Variants in TRMT2A observed in about 807,000 individuals in gnomAD.
TRMT2A encodes tRNA (uracil-5-)-methyltransferase homolog A.
Under a neutral mutation model 59.3 loss-of-function variants are expected in TRMT2A, and 60 were observed. The ratio of observed to expected loss-of-function variants is 1.01; its 90% CI spans 0.82 to 1.26. The LOEUF (loss-of-function observed/expected upper bound fraction) is 1.26. Among genes scored for constraint, TRMT2A ranks in the 50% most tolerant of loss-of-function variants. The pLI, the probability that TRMT2A is intolerant of heterozygous loss-of-function variation, is 0.00. For synonymous variants in TRMT2A, 403 were observed against 353.7 expected (o/e 1.14, Z -1.56); for missense variants, 863 against 845.2 (o/e 1.02, Z -0.26).
chr22:20,116,834 C>CA, intron 1 of TRMT2A, 49 bp downstream of exon 1: 9 of 1,534,916 alleles, frequency 5.9e-6, no homozygotes, highest in Non-Finnish European at 7.1e-6. Flanking sequence ...CCCACCCCGC[C>CA]TCCTCCCACC....
In TRMT2A at chr22:20,112,681, TCAAA is replaced by T; in HGVS notation, c.1756_1759del (p.Phe586ArgfsTer50). 6.2e-7 allele frequency: 1 copy of T among 1,614,056 alleles called. No homozygotes were observed. ...TGTGCCATTGGGGTGCTCCACCCTC[TCAAA>T]CAGGATGAGCATCTCACAGTGCGGG... On this transcript the variant is annotated frameshift_variant, in exon 12 of 12. Coordinates refer to ENST00000252136, the MANE Select transcript of TRMT2A (RefSeq NM_022727.6). LOFTEE classifies it low-confidence loss of function (END_TRUNC).
chr22:20,115,719 T>G lies in TRMT2A; in HGVS notation c.661A>C (p.Asn221His). The G allele has an allele frequency of 6.2e-7, 1 of 1,612,994 alleles. No individual in the cohort carries two copies. Residue 221 changes from asparagine (N) to histidine (H), a missense_variant, in exon 3 of 12, where the codon AAC becomes CAC. Asn to His is a moderately conservative substitution (Grantham distance 68, BLOSUM62 1). Coordinates refer to ENST00000252136, the MANE Select transcript of TRMT2A (RefSeq NM_022727.6). The stretch of plus-strand genomic sequence containing the variant: ...CCCTCCAGCGGGCAGCAGGCCTTGT[T>G]GTGCTTGTGCCTCTGCTCGAGCAGC... ...PWLLEQRHKH[N>H]KACCPLEGVR...
In TRMT2A at chr22:20,113,705, A is replaced by C. The variant is rs200558571; in HGVS notation, c.1337T>G (p.Ile446Ser). 1 of 1,602,198 alleles carries C rather than the reference A, an allele frequency of 6.2e-7. No individual in the cohort carries two copies. Among genetic ancestry groups the C allele is most frequent in the East Asian group, 2.2e-5 (1 of 44,604 alleles). The change falls in exon 8 of 12, where the codon ATT (isoleucine) becomes AGT (serine). Residue 446 changes from isoleucine to serine, a missense_variant. By Grantham distance (142) the Ile-to-Ser change is moderately radical (BLOSUM62 -2). Transcript: ENST00000252136. ...VLDVCCGTGT[I>S]GLALARKVKR... ...GCTCACCCGGGCCAGGGCCAGGCCAATGGTGCCGGTGCCACAGCACACGTC... is the reference window on the plus strand; with the variant it reads ...GCTCACCCGGGCCAGGGCCAGGCCACTGGTGCCGGTGCCACAGCACACGTC...
At chr22:20,115,919 A>T in intron 2 of TRMT2A, 119 bp downstream of exon 2, 1 of 1,398,044 alleles carries the variant, frequency 7.2e-7, no homozygotes, top group Non-Finnish European at 9.7e-7. Context: ...CTTGCTGGCT[A>T]GCTCCCAAAG....
intron 1 of TRMT2A, 91 bp from the exon 2 acceptor site, chr22:20,116,703 C>T (rs1329099746): frequency 4.8e-6 from 7 of 1,461,970 alleles, no homozygotes; most frequent in South Asian, 1.4e-5. Context: ...AGACCTCCGT[C>T]GGTGCACTCT....
Position 20,113,671 on chromosome 22 carries a change from G to A in TRMT2A, c.1356+15C>T, listed in dbSNP as rs1291580945. On this transcript the variant is annotated intron_variant, in intron 8 of 11. Transcript: ENST00000252136. ...GGTGGGGAGAGGGTGCCCTCAGCAG[G>A]GCAGGAGGGCTCACCCGGGCCAGGG... 3 of 1,592,990 alleles carry A rather than the reference G, an allele frequency of 1.9e-6. No homozygotes were observed. The highest frequency in any genetic ancestry group is 1.8e-4 in the Middle Eastern group (1 of 5,656).
chr22:20,112,525 G>A lies in TRMT2A; in HGVS notation c.*38C>T, dbSNP rs1257096614. On this transcript the variant is annotated 3_prime_UTR_variant, in exon 12 of 12. Coordinates refer to ENST00000252136, the MANE Select transcript of TRMT2A (RefSeq NM_022727.6). Reference sequence around the variant, plus strand: ...GCCTTCCCCGCCCCTGGGGCCCTGGGAGCCCTTCAGCTCCTGTCCCCATAA... The same window carrying A: ...GCCTTCCCCGCCCCTGGGGCCCTGGAAGCCCTTCAGCTCCTGTCCCCATAA... 6.3e-7 allele frequency: 1 copy of A among 1,592,772 alleles called. No individual in the cohort carries two copies. Among genetic ancestry groups the A allele is most frequent in the Non-Finnish European group, 8.6e-7 (1 of 1,167,178 alleles).
Position 20,116,612 on chromosome 22 carries a change from C to A in TRMT2A, c.25G>T (p.Gly9Cys). Residue 9 changes from glycine (G) to cysteine (C), a missense_variant and splice_region_variant, in exon 2 of 12, where the codon GGC (glycine) becomes TGC (cysteine). By Grantham distance (159) the Gly-to-Cys change is radical (BLOSUM62 -3). Coordinates refer to ENST00000252136, the MANE Select transcript of TRMT2A (RefSeq NM_022727.6). The stretch of plus-strand genomic sequence containing the variant: ...CCACAGCTCTCCATGGGCTTCGGGC[C>A]CTGTGTGGGGACAGATGGGGTGCTA... MSENLDNE[G>C]PKPMESCGQE... 6.5e-7 allele frequency: 1 copy of A among 1,535,132 alleles called. No individual in the cohort carries two copies.
rs369527590 is a variant in TRMT2A, at chr22:20,115,070, T to C, written c.900A>G (p.Pro300=). Reference sequence around the variant, plus strand: ...ACGTCTCTGGGTCGTATGCCGAGTATGGAGTGGACCTGTGGGAATCACGAG... The same window carrying C: ...ACGTCTCTGGGTCGTATGCCGAGTACGGAGTGGACCTGTGGGAATCACGAG... ...KAFQEFIRST[P]YSAYDPETYT... Residue 300 remains proline (P), a synonymous_variant, in exon 5 of 12, where the codon CCA becomes CCG. Transcript: ENST00000252136. 49 of 1,592,028 alleles carry C rather than the reference T, an allele frequency of 3.1e-5. No individual in the cohort carries two copies. Among genetic ancestry groups the C allele is most frequent in the Middle Eastern group, 1.9e-4 (1 of 5,336 alleles).
intron 3 of TRMT2A, 50 bp downstream of exon 3, chr22:20,115,622 T>C: frequency 6.2e-7 from 1 of 1,605,528 alleles, no homozygotes; most frequent in Non-Finnish European, 8.5e-7. Flanking sequence ...AAAAGCAAAG[T>C]TTTTCAAAAC....
In TRMT2A at chr22:20,112,573, G is replaced by A. The variant is rs764073684; in HGVS notation, c.1868C>T (p.Pro623Leu). 3 of 1,613,866 alleles carry A rather than the reference G, an allele frequency of 1.9e-6. No individual in the cohort carries two copies. The highest frequency in any genetic ancestry group is 2.5e-6 in the Non-Finnish European group (3 of 1,180,012). Residue 623 changes from proline (P) to leucine (L), a missense_variant, in exon 12 of 12, where the codon CCC (proline) becomes CTC (leucine). By Grantham distance (98) the Pro-to-Leu change is moderately conservative. Transcript: ENST00000252136. The part of the protein sequence containing the change: ...DNTLQETGTF[P>L]SS ...TAATGGGTCCTGGGCCTAGGATGAG[G>A]GGAAGGTCCCAGTTTCTTGTAGGGT...
At chr22:20,115,539 G>C in intron 3 of TRMT2A, 92 bp from the exon 4 acceptor site, 1 of 1,565,120 alleles carries the variant, frequency 6.4e-7, no homozygotes, top group Admixed American at 1.7e-5. Context: ...AGTCAAACAA[G>C]AGGAACAGCT....
rs758425793 is a variant in TRMT2A, at chr22:20,116,958, C to A, written c.-52G>T. ...AGGGACGCCATGGGGGCCGCCTGGC[C>A]ACCTCGTCCTGGGCCTGTCACAAGG... On this transcript the variant is annotated 5_prime_UTR_variant, in exon 1 of 12. Transcript: ENST00000252136. 1.3e-6 allele frequency: 2 copies of A among 1,566,238 alleles called. No homozygotes were observed. The highest frequency in any genetic ancestry group is 1.7e-4 in the Middle Eastern group (1 of 6,002).
intron 1 of TRMT2A, 89 bp from the exon 2 acceptor site, chr22:20,116,701 G>T: frequency 6.8e-7 from 1 of 1,462,480 alleles, no homozygotes; most frequent in Non-Finnish European, 9.1e-7. Context: ...CCAGACCTCC[G>T]TCGGTGCACT....
At position 20,113,713 on chromosome 22, in the gene TRMT2A, G is replaced by A. The variant is rs768236208; in HGVS notation, c.1329C>T (p.Thr443=). ...GSMVLDVCCG[T]GTIGLALARK... is the part of the protein sequence containing the mutation. ...GGGCCAGGGCCAGGCCAATGGTGCC[G>A]GTGCCACAGCACACGTCCAGCACCA... The change falls in exon 8 of 12, where the codon ACC becomes ACT. Residue 443 remains threonine, a synonymous_variant. Coordinates refer to ENST00000252136, the MANE Select transcript of TRMT2A (RefSeq NM_022727.6). The A allele has an allele frequency of 1.8e-5, 29 of 1,603,360 alleles. No homozygotes were observed. The Middle Eastern group carries it at 5.4e-4, about 30-fold the overall frequency.
chr22:20,112,201 C>T lies in TRMT2A; in HGVS notation c.*362G>A, dbSNP rs1052196578. ...TAAGCTCTGCCCTGACTCCCCCAGCCATGCAGAGAGGCTTGCAGAGCTGCC... is the reference window on the plus strand; with the variant it reads ...TAAGCTCTGCCCTGACTCCCCCAGCTATGCAGAGAGGCTTGCAGAGCTGCC... On this transcript the variant is annotated 3_prime_UTR_variant, in exon 12 of 12. Coordinates refer to ENST00000252136, the MANE Select transcript of TRMT2A (RefSeq NM_022727.6). 6.7e-6 allele frequency: 2 copies of T among 297,686 alleles called. No homozygotes were observed. Among genetic ancestry groups the T allele is most frequent in the African/African-American group, 4.3e-5 (2 of 46,204 alleles). 18.4% of individuals were successfully genotyped at this position (297,686 alleles called of 1,614,324 possible).
chr22:20,114,376 C>T (rs2049940395), intron 7 of TRMT2A, among the ~76,000 whole-genome samples, 198 bp downstream of exon 7: 1 of 152,254 alleles, frequency 6.6e-6, no homozygotes, highest in Non-Finnish European at 1.5e-5. Flanking sequence ...ACAAGGGCCA[C>T]TGCCGTGTGT....
intron 1 of TRMT2A, 54 bp downstream of exon 1, chr22:20,116,827 ACC>A: frequency 9.8e-7 from 1 of 1,018,022 alleles, no homozygotes; most frequent in Non-Finnish European, 1.3e-6. Flanking sequence ...TTCCTGACCC[ACC>A]CCGCCTCCTC....
chr22:20,113,133 G>C lies in TRMT2A; in HGVS notation c.1534C>G (p.Pro512Ala), dbSNP rs2049898573. ...SQHLVAILDP[P>A]RAGLHSKVIL... ...AGCCACTCACGCAAGCCAGCACGGG[G>C]TGGGTCCAGGATGGCCACGAGGTGC... The change falls in exon 10 of 12, where the codon CCC (proline) becomes GCC (alanine). Residue 512 changes from proline to alanine, a missense_variant. Coordinates refer to ENST00000252136, the MANE Select transcript of TRMT2A (RefSeq NM_022727.6). 1.2e-6 allele frequency: 2 copies of C among 1,604,074 alleles called. No individual in the cohort carries two copies. Among genetic ancestry groups the C allele is most frequent in the Non-Finnish European group, 1.7e-6 (2 of 1,174,148 alleles).
Sources: allele counts gnomAD v4.1 joint callset (sites outside exome capture counted in the v4.1 genomes callset), GRCh38; gene constraint gnomAD v4.1.1; transcripts MANE v1.5; gene names NCBI Gene and HGNC (gene_info 2026-07-23, HGNC 2026-07-21).